The following CLVS1 variants were observed in gnomAD, a reference collection of about 807,000 sequenced individuals.
CLVS1 encodes the protein clavesin-1.
Under a neutral mutation model 33.1 loss-of-function variants are expected in CLVS1, and 10 were observed. The ratio of observed to expected loss-of-function variants is 0.30; its 90% CI spans 0.19 to 0.51. The LOEUF (loss-of-function observed/expected upper bound fraction) is 0.51. Ranked by LOEUF, CLVS1 falls within the 20% of genes least tolerant of loss-of-function variation. CLVS1 has a pLI of 0.97. For missense variants in CLVS1, 343 were observed against 433.4 expected (o/e 0.79, Z 1.85); for synonymous variants, 163 against 166.1 (o/e 0.98, Z 0.14).
intron 1 of CLVS1, among the ~76,000 whole-genome samples, chr8:61,115,085 G>A (rs1398428560): frequency 7.9e-5 from 12 of 152,156 alleles, no homozygotes; most frequent in Admixed American, 3.3e-4. Context: ...CTTTGTAGAG[G>A]GGACATTAAA....
At chr8:61,090,993 C>G (rs1486597079) in intron 1 of CLVS1, 6 of 486,282 alleles carry the variant, frequency 1.2e-5, no homozygotes, top group Non-Finnish European at 2.4e-5. Flanking sequence ...CCCATGCCCC[C>G]CCACCAATAC....
chr8:60,996,890 C>G, the CLVS1 span, among the ~76,000 whole-genome samples: 1 of 152,078 alleles, frequency 6.6e-6, no homozygotes, highest in Admixed American at 6.6e-5. Context: ...TTATAATGTT[C>G]AAGAGGCACA....
intron 2 of CLVS1, among the ~76,000 whole-genome samples, chr8:61,266,825 G>A (rs1809315473): frequency 6.6e-6 from 1 of 152,196 alleles, no homozygotes; most frequent in African/African-American, 2.4e-5. Context: ...CCTGGCTCAT[G>A]ATAGATAGCT....
intron 1 of CLVS1, among the ~76,000 whole-genome samples, chr8:61,111,289 C>T (rs1209770160): frequency 6.6e-6 from 1 of 152,088 alleles, no homozygotes; most frequent in Non-Finnish European, 1.5e-5. Context: ...TATGAGTCCC[C>T]TTTTAAATGA....
intron 3 of CLVS1, among the ~76,000 whole-genome samples, chr8:61,383,861 G>T (rs1159774521): frequency 6.6e-6 from 1 of 152,196 alleles, no homozygotes; most frequent in Non-Finnish European, 1.5e-5. Flanking sequence ...TCACTAAGCT[G>T]TTACTTCCAG....
rs534390679 is a variant in CLVS1, at chr8:61,201,504, G to C, written c.-152+69644G>C. ...AAATCTAAAGAGAAAGAAAATGATTGTTTCTTTCGTAGGACAGCTATGGTT... is the reference window on the plus strand; with the variant it reads ...AAATCTAAAGAGAAAGAAAATGATTCTTTCTTTCGTAGGACAGCTATGGTT... On this transcript the variant is annotated intron_variant, in intron 2 of 2. Transcript: ENST00000522621. 4.6e-5 allele frequency among the ~76,000 whole-genome samples: 7 copies of C among 152,246 alleles called. No homozygotes were observed. In the South Asian group the frequency reaches 1.4e-3, roughly 32 times the overall value.
intron 2 of CLVS1, among the ~76,000 whole-genome samples, chr8:61,200,501 G>T (rs190521643): frequency 6.6e-6 from 1 of 152,138 alleles, no homozygotes; most frequent in Admixed American, 6.5e-5. Flanking sequence ...GTTTTCTATT[G>T]GTGAATACTT....
intron 2 of CLVS1, among the ~76,000 whole-genome samples, chr8:61,228,494 A>C (rs150396547): frequency 7.9e-5 from 12 of 152,336 alleles, no homozygotes; most frequent in Admixed American, 2.0e-4. Context: ...GCTTACCTTA[A>C]ACATGCTGAG....
At chr8:61,015,773 G>A in the CLVS1 span, among the ~76,000 whole-genome samples, 4 of 152,242 alleles carry the variant, frequency 2.6e-5, no homozygotes, top group Non-Finnish European at 5.9e-5. Flanking sequence ...TATAAAATGG[G>A]ATGGCCAACC....
the CLVS1 span, among the ~76,000 whole-genome samples, chr8:61,021,821 C>T: frequency 1.3e-4 from 20 of 152,234 alleles, no homozygotes; most frequent in South Asian, 1.0e-3. Flanking sequence ...ATAACCCTGT[C>T]ACCCAAGTAG....
At chr8:60,988,705 T>G in the CLVS1 span, among the ~76,000 whole-genome samples, 9 of 152,212 alleles carry the variant, frequency 5.9e-5, no homozygotes, top group Admixed American at 5.9e-4. Flanking sequence ...TTTTTTTTTG[T>G]TTATGTTTTA....
chr8:61,121,954 C>T (rs1214702946), intron 1 of CLVS1, among the ~76,000 whole-genome samples: 1 of 152,214 alleles, frequency 6.6e-6, no homozygotes, highest in East Asian at 1.9e-4. Context: ...TGAAATACAA[C>T]AGGAGGACTC....
At chr8:61,477,203 A>G (rs1481233488) in intron 5 of CLVS1, among the ~76,000 whole-genome samples, 1 of 152,162 alleles carries the variant, frequency 6.6e-6, no homozygotes, top group Non-Finnish European at 1.5e-5. Context: ...GTTTTCCAGT[A>G]TTTTATTGAG....
chr8:61,057,705 G>A (rs572545107), intron 1 of CLVS1, among the ~76,000 whole-genome samples: 35 of 152,168 alleles, frequency 2.3e-4, no homozygotes, highest in Admixed American at 2.1e-3. Flanking sequence ...GGATAAATCA[G>A]CAAAAGCCTT....
chr8:61,168,164 TAAC>T (rs1300368561), intron 2 of CLVS1, among the ~76,000 whole-genome samples: 2 of 152,214 alleles, frequency 1.3e-5, no homozygotes, highest in Non-Finnish European at 2.9e-5. Context: ...AGGAGACTTC[TAAC>T]AACCCTGAGA....
intron 1 of CLVS1, among the ~76,000 whole-genome samples, chr8:61,117,932 G>T (rs1342156281): frequency 2.6e-5 from 4 of 152,280 alleles, no homozygotes; most frequent in African/African-American, 9.6e-5. Context: ...GATTGGAATA[G>T]TTTCAGAAGG....
intron 5 of CLVS1, among the ~76,000 whole-genome samples, chr8:61,467,862 G>T (rs1177147498): frequency 6.6e-6 from 1 of 152,118 alleles, no homozygotes; most frequent in African/African-American, 2.4e-5. Flanking sequence ...AGATCTGGAG[G>T]AAGTCCTTAG....
At position 61,243,171 on chromosome 8, in the gene CLVS1, C is replaced by A. The variant is rs568107145; in HGVS notation, c.-151-56506C>A. Among the ~76,000 whole-genome samples the A allele has an allele frequency of 1.6e-4, 24 of 152,220 alleles. No homozygotes were observed. The South Asian group carries it at 4.8e-3, about 30-fold the overall frequency. On this transcript the variant is annotated intron_variant, in intron 2 of 2. Coordinates refer to the CLVS1 transcript ENST00000522621. ...GACTTATATGGCAAATTTTCTCATGCCAGCAATGGGTGGTTCAGATCTAAG... is the reference window on the plus strand; with the variant it reads ...GACTTATATGGCAAATTTTCTCATGACAGCAATGGGTGGTTCAGATCTAAG...
At chr8:61,433,300 G>C (rs139850655) in intron 3 of CLVS1, among the ~76,000 whole-genome samples, 16 of 152,182 alleles carry the variant, frequency 1.1e-4, no homozygotes, top group African/African-American at 3.9e-4. Context: ...CAGTGAATCT[G>C]TATTTTACAC....
Sources: gnomAD v4.1 joint callset for allele counts (sites outside exome capture counted in the v4.1 genomes callset) on GRCh38, gnomAD v4.1.1 for gene constraint, MANE v1.5 for transcripts, NCBI Gene and HGNC (gene_info 2026-07-23, HGNC 2026-07-21) for gene names.